UNC13B: variants seen among roughly 807,000 people sequenced by gnomAD.
UNC13B encodes unc-13 homolog B.
In UNC13B, 144 loss-of-function variants were observed where a neutral mutation model predicts 211.0. The observed-to-expected ratio is 0.68, with a 90% CI of 0.60 to 0.78. The LOEUF is 0.78. Among genes scored for constraint, UNC13B ranks in the 30% least tolerant of loss-of-function variants. The probability of loss-of-function intolerance (pLI) is 0.00; values close to 1 mark genes in which losing one functional copy is unlikely to be tolerated. For synonymous variants in UNC13B, 709 were observed against 725.8 expected (o/e 0.98, Z 0.37); for missense variants, 1,777 against 2,002.0 (o/e 0.89, Z 2.14).
intron 7 of UNC13B, among the ~76,000 whole-genome samples, chr9:35,275,511 T>C (rs1307294575): frequency 6.6e-6 from 1 of 151,998 alleles, no homozygotes; most frequent in Non-Finnish European, 1.5e-5. Flanking sequence ...ATTCAAGAGG[T>C]TTTACTGCTG....
chr9:35,199,961 T>A (rs1053986999), intron 1 of UNC13B, among the ~76,000 whole-genome samples: 1 of 152,230 alleles, frequency 6.6e-6, no homozygotes, highest in Non-Finnish European at 1.5e-5. Flanking sequence ...TTCTAGGGTT[T>A]TTATGATTTT....
intron 1 of UNC13B, among the ~76,000 whole-genome samples, chr9:35,203,610 G>T (rs1490626755): frequency 6.6e-6 from 1 of 152,094 alleles, no homozygotes; most frequent in Non-Finnish European, 1.5e-5. Context: ...CATTTCAACA[G>T]GATCTGTGGA....
intron 1 of UNC13B, among the ~76,000 whole-genome samples, chr9:35,166,347 C>T (rs1447494367): frequency 1.3e-5 from 2 of 152,040 alleles, no homozygotes; most frequent in African/African-American, 4.8e-5. Context: ...TGCCACTGTA[C>T]TCCAGCTTGG....
rs1027679776 is a variant in UNC13B, at chr9:35,352,129, G to A, written c.9415-14818G>A. ...TGAGCACCTGTTCCCTGGCCAAGGT[G>A]TGTGAGGGTGAAAAGGCCCAGGAAC... is the stretch of plus-strand genomic sequence containing the variant. On this transcript the variant is annotated intron_variant, in intron 11 of 39. Coordinates refer to ENST00000635942, the MANE Select transcript of UNC13B (RefSeq NM_001371189.2). The A allele has an allele frequency of 1.4e-5, 17 of 1,232,174 alleles. No individual in the cohort carries two copies. The South Asian group carries it at 4.5e-4, about 33-fold the overall frequency. 76.3% of individuals were successfully genotyped at this position (1,232,174 alleles called of 1,614,324 possible). A position where few individuals can be genotyped will look rare whatever the true frequency, so the allele number is the denominator to read the frequency against.
chr9:35,353,543 G>A, intron 11 of UNC13B: 2 of 1,232,118 alleles, frequency 1.6e-6, no homozygotes, highest in South Asian at 8.2e-5. Flanking sequence ...AACCCCTCAG[G>A]ATCCAAGCAC....
intron 1 of UNC13B, among the ~76,000 whole-genome samples, chr9:35,178,185 T>C (rs772413371): frequency 9.2e-5 from 14 of 152,212 alleles, no homozygotes; most frequent in Non-Finnish European, 1.6e-4. Context: ...CCATAGATTG[T>C]AAGAGGCATC....
chr9:35,366,874 T>G (rs1199927315), intron 11 of UNC13B, 73 bp from the exon 12 acceptor site: 3 of 1,309,184 alleles, frequency 2.3e-6, no homozygotes, highest in East Asian at 2.3e-5. Context: ...TGTACTCTAC[T>G]GCTCGCTGCT....
chr9:35,194,904 A>G (rs897446485), intron 1 of UNC13B, among the ~76,000 whole-genome samples: 2 of 152,168 alleles, frequency 1.3e-5, no homozygotes, highest in Non-Finnish European at 2.9e-5. Flanking sequence ...AAAGGAAAAC[A>G]GCTCTCTCTC....
At chr9:35,344,692 A>G (rs1832242788) in intron 11 of UNC13B, among the ~76,000 whole-genome samples, 1 of 152,180 alleles carries the variant, frequency 6.6e-6, no homozygotes, top group African/African-American at 2.4e-5. Context: ...CAAGGGTAGT[A>G]GGGCTTTTGA....
intron 1 of UNC13B, among the ~76,000 whole-genome samples, chr9:35,217,803 A>G (rs1287137975): frequency 6.6e-6 from 1 of 152,182 alleles, no homozygotes; most frequent in Non-Finnish European, 1.5e-5. Context: ...CAGCACTTTC[A>G]GAGGCTGAGG....
At chr9:35,382,019 A>G (rs1333995921) in intron 20 of UNC13B, among the ~76,000 whole-genome samples, 1 of 152,222 alleles carries the variant, frequency 6.6e-6, no homozygotes, top group Non-Finnish European at 1.5e-5. Flanking sequence ...GCCTGAGCAG[A>G]CAGGGTATGT....
At chr9:35,228,733 T>C (rs1035532732) in intron 2 of UNC13B, among the ~76,000 whole-genome samples, 10 of 151,444 alleles carry the variant, frequency 6.6e-5, no homozygotes, top group Non-Finnish European at 1.5e-5. Context: ...TGTGTGTGTG[T>C]GTGTGTGTGT....
chr9:35,290,360 A>G (rs1829034832), intron 7 of UNC13B, among the ~76,000 whole-genome samples: 1 of 151,662 alleles, frequency 6.6e-6, no homozygotes, highest in Non-Finnish European at 1.5e-5. Flanking sequence ...TCAAAATAAG[A>G]AAAATTAGAT....
chr9:35,362,375 C>T lies in UNC13B; in HGVS notation c.9415-4572C>T, dbSNP rs371745174. 1.1e-4 allele frequency among the ~76,000 whole-genome samples: 16 copies of T among 152,142 alleles called. No homozygotes were observed. The East Asian group carries it at 1.3e-3, about 13-fold the overall frequency. On this transcript the variant is annotated intron_variant, in intron 11 of 39. Coordinates refer to ENST00000635942, the MANE Select transcript of UNC13B (RefSeq NM_001371189.2). Reference sequence around the variant, plus strand: ...CTAAGCATGCGATATCTAGGTGATACACACTAAGCAGTGGTTAATGTGTTG... The same window carrying T: ...CTAAGCATGCGATATCTAGGTGATATACACTAAGCAGTGGTTAATGTGTTG...
chr9:35,162,146 G>T lies in UNC13B; in HGVS notation c.-138G>T. On this transcript the variant is annotated 5_prime_UTR_variant, in exon 1 of 40. Coordinates refer to ENST00000635942, the MANE Select transcript of UNC13B (RefSeq NM_001371189.2). The stretch of plus-strand genomic sequence containing the variant: ...GGCGGGTCCGAGGCAGCGGCGGGAC[G>T]CTACCTGCGACCGGGACCATGAGGA... The T allele has an allele frequency of 7.4e-7, 1 of 1,343,672 alleles. No homozygotes were observed. 83.2% of individuals were successfully genotyped at this position (1,343,672 alleles called of 1,614,324 possible).
In UNC13B at chr9:35,399,743, CT is replaced by C; in HGVS notation, c.12336+19del. On this transcript the variant is annotated intron_variant, in intron 36 of 39. Coordinates refer to ENST00000635942, the MANE Select transcript of UNC13B (RefSeq NM_001371189.2). ...GACACCATCAAGGTGGAGGCCCCCC[CT>C]TTTTCAGACAGTCTTAACCACCACA... The C allele has an allele frequency of 1.2e-6, 2 of 1,613,732 alleles. No individual in the cohort carries two copies.
At chr9:35,383,988 C>G (rs1426377912) in intron 21 of UNC13B, among the ~76,000 whole-genome samples, 1 of 152,200 alleles carries the variant, frequency 6.6e-6, no homozygotes, top group Non-Finnish European at 1.5e-5. Flanking sequence ...ATTTCTCCCC[C>G]CAGGGACTTG....
At chr9:35,347,148 C>G (rs933227650) in intron 11 of UNC13B, among the ~76,000 whole-genome samples, 1 of 152,194 alleles carries the variant, frequency 6.6e-6, no homozygotes, top group Non-Finnish European at 1.5e-5. Flanking sequence ...GATCTTCCTG[C>G]TTTGGCCTCC....
chr9:35,368,569 A>G (rs569050767), intron 12 of UNC13B, among the ~76,000 whole-genome samples: 1 of 152,312 alleles, frequency 6.6e-6, no homozygotes, highest in East Asian at 1.9e-4. Flanking sequence ...CTTTGGGTAT[A>G]TACCCAATAA....
Sources: allele counts gnomAD v4.1 joint callset (sites outside exome capture counted in the v4.1 genomes callset), GRCh38; gene constraint gnomAD v4.1.1; transcripts MANE v1.5; gene names NCBI Gene and HGNC (gene_info 2026-07-23, HGNC 2026-07-21).